FTCDNL1: variants seen among roughly 807,000 people sequenced by gnomAD.
FTCDNL1 encodes formiminotransferase cyclodeaminase N-terminal like.
In FTCDNL1, 11 loss-of-function variants were observed where a neutral mutation model predicts 5.9. That is an observed-to-expected ratio of 1.87 (90% confidence interval 1.18 to 3.10). FTCDNL1 has a LOEUF of 3.10. FTCDNL1 is among the 30% of genes most tolerant of loss of function. FTCDNL1 has a pLI of 0.00. For missense variants in FTCDNL1, 115 were observed against 65.5 expected (o/e 1.76, Z -2.61); for synonymous variants, 58 against 24.8 (o/e 2.34, Z -3.99).
intron 3 of FTCDNL1, among the ~76,000 whole-genome samples, chr2:199,820,419 C>T (rs868377311): frequency 6.6e-6 from 1 of 151,906 alleles, no homozygotes; most frequent in African/African-American, 2.4e-5. Flanking sequence ...GCCTGGGCAA[C>T]ATAGTTAGAC....
chr2:199,735,123 A>AAAAAAAAC, the FTCDNL1 span, among the ~76,000 whole-genome samples: 1 of 151,212 alleles, frequency 6.6e-6, no homozygotes, highest in African/African-American at 2.4e-5. Context: ...TAGAAAAAAA[A>AAAAAAAAC]AAAAAAAAAA....
chr2:199,682,848 C>A, the FTCDNL1 span, among the ~76,000 whole-genome samples: 1 of 152,074 alleles, frequency 6.6e-6, no homozygotes, highest in Non-Finnish European at 1.5e-5. Flanking sequence ...AAGGGAATAT[C>A]CACCTAAAAT....
chr2:199,796,248 A>T (rs184818802), intron 3 of FTCDNL1, among the ~76,000 whole-genome samples: 161 of 152,312 alleles, frequency 1.1e-3, no homozygotes, highest in Non-Finnish European at 2.8e-4. Context: ...AACAATGAAT[A>T]ATGCCAGAAT....
rs1040822383 is a variant in FTCDNL1, at chr2:199,799,611, C to G, written c.212-38776G>C. Among the ~76,000 whole-genome samples, 4 of 152,288 alleles carry G rather than the reference C, an allele frequency of 2.6e-5. No individual in the cohort carries two copies. The South Asian group carries it at 8.3e-4, about 32-fold the overall frequency. On this transcript the variant is annotated intron_variant, in intron 3 of 3. Coordinates refer to the FTCDNL1 transcript ENST00000416668. ...AGGGAAAATTGAACACAGGTGCTCTCCCATTTTAAGATGACTCAGTTTACA... is the reference window on the plus strand; with the variant it reads ...AGGGAAAATTGAACACAGGTGCTCTGCCATTTTAAGATGACTCAGTTTACA...
At chr2:199,754,020 T>C in the FTCDNL1 span, among the ~76,000 whole-genome samples, 1 of 152,200 alleles carries the variant, frequency 6.6e-6, no homozygotes, top group African/African-American at 2.4e-5. Flanking sequence ...TGGGCCTTTA[T>C]CTAGAGGCAA....
chr2:199,840,925 G>A (rs1478472927), intron 3 of FTCDNL1, among the ~76,000 whole-genome samples: 1 of 152,112 alleles, frequency 6.6e-6, no homozygotes, highest in African/African-American at 2.4e-5. Context: ...GGCTGAGGTG[G>A]GGATTGCTTA....
the FTCDNL1 span, among the ~76,000 whole-genome samples, chr2:199,729,503 G>A: frequency 6.6e-6 from 1 of 152,062 alleles, no homozygotes; most frequent in Non-Finnish European, 1.5e-5. Flanking sequence ...CTTCAGCAAA[G>A]TCTCAGGATT....
At chr2:199,821,003 A>T (rs1233041970) in intron 3 of FTCDNL1, among the ~76,000 whole-genome samples, 1 of 152,206 alleles carries the variant, frequency 6.6e-6, no homozygotes, top group African/African-American at 2.4e-5. Flanking sequence ...AGACCTTCCC[A>T]ACTGCAATTT....
At chr2:199,759,993 T>C (rs1698202037), downstream of FTCDNL1, among the ~76,000 whole-genome samples, 1 of 152,180 alleles carries the variant, frequency 6.6e-6, no homozygotes, top group South Asian at 2.1e-4. Context: ...TCGTATCATG[T>C]TTTGATTCTA....
the FTCDNL1 span, among the ~76,000 whole-genome samples, chr2:199,688,230 C>A: frequency 0.011 from 1,277 of 119,798 alleles, no homozygotes; most frequent in Non-Finnish European, 0.012. Flanking sequence ...GACTCTGTCT[C>A]AAAAAAAAAA....
chr2:199,764,670 T>C (rs1451883215), intron 3 of FTCDNL1, among the ~76,000 whole-genome samples: 1 of 152,232 alleles, frequency 6.6e-6, no homozygotes, highest in African/African-American at 2.4e-5. Flanking sequence ...GCCTCTTCCC[T>C]GAGTCCAGCG....
At chr2:199,684,738 C>T in the FTCDNL1 span, among the ~76,000 whole-genome samples, 1 of 152,080 alleles carries the variant, frequency 6.6e-6, no homozygotes, top group Admixed American at 6.6e-5. Context: ...ACGGAAGGGC[C>T]GTTCTCATAG....
chr2:199,808,154 C>T (rs1034877527), downstream of FTCDNL1, among the ~76,000 whole-genome samples: 3 of 152,148 alleles, frequency 2.0e-5, no homozygotes, highest in East Asian at 3.9e-4. Context: ...TTTCCTGAGG[C>T]CTCCCCAGAA....
the FTCDNL1 span, among the ~76,000 whole-genome samples, chr2:199,699,315 A>T: frequency 6.6e-6 from 1 of 152,046 alleles, no homozygotes; most frequent in African/African-American, 2.4e-5. Flanking sequence ...AAAAATACTA[A>T]AATTATCCAG....
At chr2:199,734,609 C>T in the FTCDNL1 span, among the ~76,000 whole-genome samples, 1 of 152,164 alleles carries the variant, frequency 6.6e-6, no homozygotes, top group Admixed American at 6.5e-5. Context: ...TATTATTATT[C>T]TGGACCCAAC....
the FTCDNL1 span, among the ~76,000 whole-genome samples, chr2:199,698,867 C>G: frequency 1.3e-5 from 2 of 152,168 alleles, no homozygotes; most frequent in South Asian, 4.2e-4. Context: ...GATTGATAGA[C>G]TGCTAGCTAG....
At chr2:199,690,730 C>T in the FTCDNL1 span, among the ~76,000 whole-genome samples, 1 of 152,122 alleles carries the variant, frequency 6.6e-6, no homozygotes, top group Non-Finnish European at 1.5e-5. Context: ...GTCTTGATCT[C>T]TCCTGCATCA....
rs1317703963 is a variant in FTCDNL1, at chr2:199,812,732, CA to C, written c.398-9del. ...ACAACGCCCTGAAGCAAGCTAAAAA[CA>C]AGGAAAAAAATCTTTGGTATGATTT... On this transcript the variant is annotated splice_polypyrimidine_tract_variant and intron_variant, in intron 4 of 4. Coordinates refer to ENST00000420128, the MANE Select transcript of FTCDNL1 (RefSeq NM_001363886.2). 2 of 696,278 alleles carry C rather than the reference CA, an allele frequency of 2.9e-6. No homozygotes were observed. The highest frequency in any genetic ancestry group is 4.1e-5 in the Admixed American group (2 of 48,744). 43.1% of individuals were successfully genotyped at this position (696,278 alleles called of 1,614,324 possible).
chr2:199,771,541 A>AT (rs1698810825), intron 3 of FTCDNL1, among the ~76,000 whole-genome samples: 1 of 152,278 alleles, frequency 6.6e-6, no homozygotes, highest in Non-Finnish European at 1.5e-5. Context: ...TTTTAAATAC[A>AT]TAAAACACAG....
Sources: gnomAD v4.1 joint callset for allele counts (sites outside exome capture counted in the v4.1 genomes callset) on GRCh38, gnomAD v4.1.1 for gene constraint, MANE v1.5 for transcripts, NCBI Gene and HGNC (gene_info 2026-07-23, HGNC 2026-07-21) for gene names.